Variants in SLC25A44 observed in about 807,000 individuals in gnomAD.
The protein encoded by SLC25A44 is solute carrier family 25 member 44.
SLC25A44 carries 17 observed loss-of-function variants against 29.9 expected under a neutral mutation model. The ratio of observed to expected loss-of-function variants is 0.57; its 90% confidence interval spans 0.39 to 0.85. SLC25A44 has a LOEUF of 0.85. SLC25A44 is among the 40% of genes least tolerant of loss of function. The probability of loss-of-function intolerance (pLI) is 0.00; values close to 1 mark genes in which losing one functional copy is unlikely to be tolerated. For synonymous variants in SLC25A44, 140 were observed against 151.8 expected (o/e 0.92, Z 0.57); for missense variants, 302 against 398.4 (o/e 0.76, Z 2.06).
intron 1 of SLC25A44, among the ~76,000 whole-genome samples, chr1:156,194,615 G>T (rs1656094913): frequency 6.6e-6 from 1 of 152,182 alleles, no homozygotes; most frequent in Admixed American, 6.5e-5. Context: ...CATGTCCGAG[G>T]TAGGGAGGAG....
At chr1:156,205,974 A>C (rs1375142237) in intron 2 of SLC25A44, among the ~76,000 whole-genome samples, 1 of 152,208 alleles carries the variant, frequency 6.6e-6, no homozygotes. Context: ...TCTCAGTGGT[A>C]CTGGGATGGG....
intron 2 of SLC25A44, among the ~76,000 whole-genome samples, chr1:156,206,980 A>G (rs1159383295): frequency 6.6e-6 from 1 of 152,208 alleles, no homozygotes; most frequent in Non-Finnish European, 1.5e-5. Flanking sequence ...TCTGCCCATC[A>G]GATGAAAGGA....
intron 2 of SLC25A44, among the ~76,000 whole-genome samples, chr1:156,201,172 C>G (rs1205427632): frequency 6.6e-6 from 1 of 152,076 alleles, no homozygotes; most frequent in Non-Finnish European, 1.5e-5. Context: ...TTGAACCTCT[C>G]CACTCCTGTA....
chr1:156,210,434 A>G lies in SLC25A44; in HGVS notation c.*3A>G, dbSNP rs749688510. 3 of 1,557,808 alleles carry G rather than the reference A, an allele frequency of 1.9e-6. No homozygotes were observed. The highest frequency in any genetic ancestry group is 2.6e-6 in the Non-Finnish European group (3 of 1,150,800). ...TGGTGGACTCGAGACACTGGTAACCAGTGGTGGGGAGAGAAGCCTGCTGTT... is the reference window on the plus strand; with the variant it reads ...TGGTGGACTCGAGACACTGGTAACCGGTGGTGGGGAGAGAAGCCTGCTGTT... On this transcript the variant is annotated 3_prime_UTR_variant, in exon 4 of 4. Coordinates refer to ENST00000359511, the MANE Select transcript of SLC25A44 (RefSeq NM_014655.4).
At chr1:156,210,100 C>A in intron 3 of SLC25A44, 140 bp from the exon 4 acceptor site, 1 of 590,100 alleles carries the variant, frequency 1.7e-6, no homozygotes, top group Non-Finnish European at 3.0e-6. Flanking sequence ...AATCACTGTG[C>A]TGTACCATCC....
intron 2 of SLC25A44, among the ~76,000 whole-genome samples, chr1:156,207,590 C>T (rs529058116): frequency 3.5e-4 from 53 of 152,142 alleles, no homozygotes; most frequent in African/African-American, 1.2e-3. Flanking sequence ...ATTGAGGCTG[C>T]AGTGAGCCAT....
rs1163724545 is a variant in SLC25A44 at position 156,211,350 on chromosome 1, C to A, written c.*919C>A. 6.5e-6 allele frequency: 1 copy of A among 152,718 alleles called. No individual in the cohort carries two copies. Among genetic ancestry groups the A allele is most frequent in the African/African-American group, 2.4e-5 (1 of 41,384 alleles). The allele number at this position is 152,718 out of a possible 1,614,324, so 9.5% of individuals were successfully genotyped here. ...GGGTGCACTGGACTTGGAGCACTACCTTGAGAAGTCAGGTTGAGAAAGTAG... is the reference window on the plus strand; with the variant it reads ...GGGTGCACTGGACTTGGAGCACTACATTGAGAAGTCAGGTTGAGAAAGTAG... On this transcript the variant is annotated 3_prime_UTR_variant, in exon 4 of 4. Transcript: ENST00000359511.
intron 2 of SLC25A44, among the ~76,000 whole-genome samples, chr1:156,207,104 G>T (rs959085152): frequency 9.2e-5 from 14 of 152,198 alleles, no homozygotes; most frequent in Non-Finnish European, 1.8e-4. Context: ...TTGGGAGGCT[G>T]AGGTGGGAGA....
chr1:156,199,861 G>A lies in SLC25A44; in HGVS notation c.14G>A (p.Arg5His), dbSNP rs950428915. 25 of 1,613,346 alleles carry A rather than the reference G, an allele frequency of 1.5e-5. No homozygotes were observed. The highest frequency in any genetic ancestry group is 2.1e-5 in the Non-Finnish European group (25 of 1,179,586). MEDK[R>H]NIQIIEWEHL... ...TCTTCAGGCACCATGGAGGACAAAC[G>A]CAACATCCAGATCATCGAGTGGGAA... Residue 5 changes from arginine to histidine, a missense_variant, in exon 2 of 4, where the codon CGC becomes CAC. By Grantham distance (29) the Arg-to-His change is conservative. Coordinates refer to ENST00000359511, the MANE Select transcript of SLC25A44 (RefSeq NM_014655.4).
chr1:156,200,628 T>G (rs901476967), intron 2 of SLC25A44, among the ~76,000 whole-genome samples, 156 bp downstream of exon 2: 1 of 152,154 alleles, frequency 6.6e-6, no homozygotes, highest in South Asian at 2.1e-4. Context: ...TAAAGATGCA[T>G]AAAACATGGT....
At chr1:156,195,862 C>T (rs1656182177) in intron 1 of SLC25A44, among the ~76,000 whole-genome samples, 1 of 152,314 alleles carries the variant, frequency 6.6e-6, no homozygotes, top group Admixed American at 6.5e-5. Flanking sequence ...TTTTCTGGTA[C>T]AAGGAGAGTA....
Position 156,200,150 on chromosome 1 carries a change from A to G in SLC25A44, c.303A>G (p.Val101=). ...VTTYELTRKF[V]ADYSQSNTVK... ...CTTATGAGCTCACCCGGAAGTTTGT[A>G]GCTGACTACAGCCAGAGTAACACAG... Residue 101 remains valine (V), a synonymous_variant, in exon 2 of 4, where the codon GTA becomes GTG. Coordinates refer to ENST00000359511, the MANE Select transcript of SLC25A44 (RefSeq NM_014655.4). 2 of 1,614,224 alleles carry G rather than the reference A, an allele frequency of 1.2e-6. No individual in the cohort carries two copies. Among genetic ancestry groups the G allele is most frequent in the Non-Finnish European group, 1.7e-6 (2 of 1,180,038 alleles).
chr1:156,209,674 G>C lies in SLC25A44; in HGVS notation c.754-566G>C, dbSNP rs1306511723. ...ATATTTGTTCATGGGGTGTGTGAGAGATGGCAGAGATGGAGAGGAAGGTTC... is the reference window on the plus strand; with the variant it reads ...ATATTTGTTCATGGGGTGTGTGAGACATGGCAGAGATGGAGAGGAAGGTTC... On this transcript the variant is annotated intron_variant, in intron 3 of 3. Transcript: ENST00000359511. Among the ~76,000 whole-genome samples the C allele has an allele frequency of 2.0e-5, 3 of 152,066 alleles. No homozygotes were observed. The East Asian group carries it at 5.8e-4, about 29-fold the overall frequency.
intron 1 of SLC25A44, chr1:156,196,796 G>A (rs1475002080): frequency 1.3e-5 from 2 of 152,364 alleles, no homozygotes; most frequent in East Asian, 3.9e-4. Context: ...GCATCTGCAT[G>A]GCCAGGAGCT....
chr1:156,204,075 C>T (rs1656776298), intron 2 of SLC25A44, among the ~76,000 whole-genome samples: 1 of 147,054 alleles, frequency 6.8e-6, no homozygotes, highest in South Asian at 2.2e-4. Context: ...TGGCATGATC[C>T]TGGCTCACTG....
At chr1:156,202,524 CT>C (rs948131105) in intron 2 of SLC25A44, among the ~76,000 whole-genome samples, 4 of 152,164 alleles carry the variant, frequency 2.6e-5, no homozygotes, top group Non-Finnish European at 5.9e-5. Flanking sequence ...TGTTTTGTTC[CT>C]GCCACCCCTC....
Position 156,210,582 on chromosome 1 carries a change from A to G in SLC25A44, c.*151A>G, listed in dbSNP as rs528907387. The G allele has an allele frequency of 2.1e-6, 1 of 471,596 alleles. No homozygotes were observed. The highest frequency in any genetic ancestry group is 4.6e-5 in the South Asian group (1 of 21,976). The allele number at this position is 471,596 out of a possible 1,614,324, so 29.2% of individuals were successfully genotyped here. A position where few individuals can be genotyped will look rare whatever the true frequency, so the allele number is the denominator to read the frequency against. On this transcript the variant is annotated 3_prime_UTR_variant, in exon 4 of 4. Coordinates refer to ENST00000359511, the MANE Select transcript of SLC25A44 (RefSeq NM_014655.4). ...ATCTGGGATAGGGATAGAGACTTTGAACTGCTCTTGCTGAAGAGGCTCCAC... is the reference window on the plus strand; with the variant it reads ...ATCTGGGATAGGGATAGAGACTTTGGACTGCTCTTGCTGAAGAGGCTCCAC...
chr1:156,199,644 A>G (rs1656425563), intron 1 of SLC25A44, 191 bp from the exon 2 acceptor site: 1 of 588,812 alleles, frequency 1.7e-6, no homozygotes, highest in Non-Finnish European at 3.0e-6. Flanking sequence ...CAAGAAGGGG[A>G]CAGTATCCTG....
rs781127023 is a variant in SLC25A44 at position 156,208,005 on chromosome 1, C to T, written c.745C>T (p.Arg249Cys). 1.5e-5 allele frequency: 24 copies of T among 1,613,974 alleles called. No individual in the cohort carries two copies. The highest frequency in any genetic ancestry group is 2.2e-5 in the East Asian group (1 of 44,892). ...CAATCCCATGGATGTCATACGAACCCGTGTGCAGGTAAGACTGACCACTTC... is the reference window on the plus strand; with the variant it reads ...CAATCCCATGGATGTCATACGAACCTGTGTGCAGGTAAGACTGACCACTTC... ...LTNPMDVIRT[R>C]VQVEGKNSII... Residue 249 changes from arginine to cysteine, a missense_variant, in exon 3 of 4, where the codon CGT becomes TGT. By Grantham distance (180) the Arg-to-Cys change is radical. Transcript: ENST00000359511.
Sources: allele counts gnomAD v4.1 joint callset (sites outside exome capture counted in the v4.1 genomes callset), GRCh38; gene constraint gnomAD v4.1.1; transcripts MANE v1.5; gene names NCBI Gene and HGNC (gene_info 2026-07-23, HGNC 2026-07-21).